Variants in OTOGL observed in about 807,000 individuals in gnomAD.
OTOGL encodes the protein otogelin like.
OTOGL carries 285 observed loss-of-function variants against 318.5 expected under a neutral mutation model. That is an observed-to-expected ratio of 0.89 (90% CI 0.81 to 0.99). The LOEUF (loss-of-function observed/expected upper bound fraction) is 0.99. Among genes scored for constraint, OTOGL ranks in the 50% least tolerant of loss-of-function variants. OTOGL has a pLI of 0.00. For missense variants in OTOGL, 2,899 were observed against 2,845.6 expected (o/e 1.02, Z -0.43); for synonymous variants, 987 against 936.5 (o/e 1.05, Z -0.99).
At chr12:80,346,765 G>A (rs576615726) in intron 44 of OTOGL, among the ~76,000 whole-genome samples, 5 of 152,252 alleles carry the variant, frequency 3.3e-5, no homozygotes, top group East Asian at 1.9e-4. Flanking sequence ...ACAGCAGCAC[G>A]TTCAGAAAAG....
chr12:80,219,364 G>A (rs1053873911), intron 5 of OTOGL, among the ~76,000 whole-genome samples: 1 of 152,192 alleles, frequency 6.6e-6, no homozygotes, highest in African/African-American at 2.4e-5. Flanking sequence ...TGCCTGCCTT[G>A]GCTTCCCAGA....
chr12:80,229,261 A>T lies in OTOGL; in HGVS notation c.494A>T (p.His165Leu). 6.3e-7 allele frequency: 1 copy of T among 1,597,612 alleles called. No homozygotes were observed. Among genetic ancestry groups the T allele is most frequent in the East Asian group, 2.2e-5 (1 of 44,866 alleles). Residue 165 changes from histidine to leucine, a missense_variant, in exon 8 of 59, where the codon CAT (histidine) becomes CTT (leucine). By Grantham distance (99) the His-to-Leu change is moderately conservative. Around this residue, in one of 3 missense-constraint regions of OTOGL, gnomAD observed 2,607 missense variants for 2,524.9 expected, o/e 1.03. Coordinates refer to ENST00000547103, the MANE Select transcript of OTOGL (RefSeq NM_001378609.3). ...TTTTGTTTTTCTCCCTTTAAGGTTC[A>T]TAACAGCCCTAAATGCCTTGGTTCG... ...DLEPRYTVWV[H>L]NSPKCLGSVY...
chr12:80,122,625 C>T (rs1870552111), intron 1 of OTOGL, among the ~76,000 whole-genome samples: 1 of 152,116 alleles, frequency 6.6e-6, no homozygotes, highest in South Asian at 2.1e-4. Flanking sequence ...GTAAGCTTGG[C>T]AAGAAGCAAA....
intron 1 of OTOGL, among the ~76,000 whole-genome samples, chr12:80,150,505 G>A (rs776023590): frequency 6.6e-6 from 1 of 152,208 alleles, no homozygotes; most frequent in East Asian, 1.9e-4. Context: ...GGCAGTGAGC[G>A]ATGGACCAAT....
chr12:80,228,040 G>T (rs1399939466), intron 7 of OTOGL, among the ~76,000 whole-genome samples: 1 of 152,138 alleles, frequency 6.6e-6, no homozygotes, highest in Non-Finnish European at 1.5e-5. Context: ...TCTGTTGACT[G>T]CTCTATCCCC....
intron 1 of OTOGL, among the ~76,000 whole-genome samples, chr12:80,124,568 T>C (rs1232464326): frequency 4.6e-5 from 7 of 152,212 alleles, no homozygotes; most frequent in East Asian, 1.9e-4. Context: ...TTTCCAATTC[T>C]GTGAAGAAAG....
chr12:80,197,564 G>A (rs1876165235), intron 1 of OTOGL, among the ~76,000 whole-genome samples: 1 of 152,190 alleles, frequency 6.6e-6, no homozygotes, highest in Admixed American at 6.5e-5. Context: ...CAACACCACT[G>A]AAATCTGTCT....
At chr12:80,311,708 A>G (rs551105072) in intron 30 of OTOGL, among the ~76,000 whole-genome samples, 1 of 152,320 alleles carries the variant, frequency 6.6e-6, no homozygotes, top group African/African-American at 2.4e-5. Flanking sequence ...CGCCCGGCAG[A>G]TATTTTATTA....
chr12:80,186,292 A>G (rs967358917), intron 1 of OTOGL, among the ~76,000 whole-genome samples: 2 of 152,028 alleles, frequency 1.3e-5, no homozygotes, highest in African/African-American at 4.8e-5. Flanking sequence ...CTTTCTCCCT[A>G]TATCAAGTCC....
Position 80,232,880 on chromosome 12 carries a change from C to T in OTOGL, c.612-12C>T. On this transcript the variant is annotated splice_polypyrimidine_tract_variant and intron_variant, in intron 8 of 58. Coordinates refer to ENST00000547103, the MANE Select transcript of OTOGL (RefSeq NM_001378609.3). ...TCATCATTCTTAGATAGCTTTTGTTCTGTTTTTCAAGTTTAACATTGCCTC... is the reference window on the plus strand; with the variant it reads ...TCATCATTCTTAGATAGCTTTTGTTTTGTTTTTCAAGTTTAACATTGCCTC... The T allele has an allele frequency of 6.3e-7, 1 of 1,579,644 alleles. No homozygotes were observed. Among genetic ancestry groups the T allele is most frequent in the Non-Finnish European group, 8.6e-7 (1 of 1,162,790 alleles).
Position 80,319,276 on chromosome 12 carries a change from G to A in OTOGL, c.3802+563G>A, listed in dbSNP as rs563694012. On this transcript the variant is annotated intron_variant, in intron 33 of 58. Coordinates refer to ENST00000547103, the MANE Select transcript of OTOGL (RefSeq NM_001378609.3). The stretch of plus-strand genomic sequence containing the variant: ...TACTGGTTGTATCCACCTGGCACCT[G>A]TTCTGATTGGTGGTAGTTTCCCTTC... 6.6e-5 allele frequency among the ~76,000 whole-genome samples: 10 copies of A among 152,232 alleles called. No individual in the cohort carries two copies. In the East Asian group the frequency reaches 7.7e-4, roughly 12 times the overall value.
intron 1 of OTOGL, among the ~76,000 whole-genome samples, chr12:80,126,433 A>G (rs1870842523): frequency 6.6e-6 from 1 of 151,948 alleles, no homozygotes; most frequent in Non-Finnish European, 1.5e-5. Flanking sequence ...CTTCTTTTAC[A>G]TTTGCTGAGG....
At chr12:80,312,379 G>GA (rs1417003511) in intron 30 of OTOGL, among the ~76,000 whole-genome samples, 16 of 152,032 alleles carry the variant, frequency 1.1e-4, no homozygotes, top group African/African-American at 3.9e-4. Context: ...CTATTTCTTA[G>GA]CATATATAAA....
intron 5 of OTOGL, among the ~76,000 whole-genome samples, chr12:80,218,415 G>A (rs1198739706): frequency 1.3e-5 from 2 of 152,204 alleles, no homozygotes; most frequent in South Asian, 4.1e-4. Flanking sequence ...AATCATAAAG[G>A]TTTTTGAATT....
At chr12:80,153,191 T>A (rs1219621380) in intron 1 of OTOGL, among the ~76,000 whole-genome samples, 5 of 152,140 alleles carry the variant, frequency 3.3e-5, no homozygotes, top group African/African-American at 1.2e-4. Context: ...AGTTGGGAAG[T>A]TCAAGAGTAA....
chr12:80,372,694 T>TG (rs963752591), intron 57 of OTOGL, among the ~76,000 whole-genome samples: 1 of 147,946 alleles, frequency 6.8e-6, no homozygotes, highest in African/African-American at 2.5e-5. Context: ...ATAGTAATTG[T>TG]TTTTTTTTTA....
At chr12:80,370,992 A>G (rs960874102) in intron 56 of OTOGL, among the ~76,000 whole-genome samples, 12 of 152,078 alleles carry the variant, frequency 7.9e-5, no homozygotes, top group Admixed American at 6.6e-4. Context: ...TGGATTAATA[A>G]GCTAAGGAAT....
At chr12:80,160,361 C>T (rs1355322009) in intron 1 of OTOGL, among the ~76,000 whole-genome samples, 1 of 151,944 alleles carries the variant, frequency 6.6e-6, no homozygotes, top group Non-Finnish European at 1.5e-5. Flanking sequence ...GACTAATATC[C>T]AGAATCTGCA....
chr12:80,356,532 A>AT lies in OTOGL; in HGVS notation c.5911+13dup. The AT allele has an allele frequency of 6.4e-7, 1 of 1,551,636 alleles. No individual in the cohort carries two copies. Among genetic ancestry groups the AT allele is most frequent in the Non-Finnish European group, 8.8e-7 (1 of 1,135,858 alleles). ...ACAGTACAAATGTGGTAAGTAATCA[A>AT]TATAGAAAATTAAGAGTGAGGTTCA... On this transcript the variant is annotated intron_variant, in intron 48 of 58. Transcript: ENST00000547103.
Sources: gnomAD v4.1 joint callset for allele counts (sites outside exome capture counted in the v4.1 genomes callset) on GRCh38, gnomAD v4.1.1 for gene constraint, gnomAD v4.1.1 regional missense constraint, MANE v1.5 for transcripts, NCBI Gene and HGNC (gene_info 2026-07-23, HGNC 2026-07-21) for gene names.